Variants in GALNT13 observed in about 807,000 individuals in gnomAD.
The protein encoded by GALNT13 is UDP-GalNAc:polypeptide N-acetylgalactosaminyltransferase 13.
A neutral mutation model predicts 64.2 loss-of-function variants in GALNT13; 28 were observed. That is an observed-to-expected ratio of 0.44 (90% CI 0.32 to 0.60). The LOEUF is 0.60. Among genes scored for constraint, GALNT13 ranks in the 20% least tolerant of loss-of-function variants. The pLI is 0.05. For synonymous variants in GALNT13, 214 were observed against 224.6 expected (o/e 0.95, Z 0.42); for missense variants, 577 against 669.8 (o/e 0.86, Z 1.53).
the GALNT13 span, among the ~76,000 whole-genome samples, chr2:153,138,836 C>T: frequency 6.6e-6 from 1 of 152,058 alleles, no homozygotes; most frequent in Admixed American, 6.6e-5. Flanking sequence ...TTAACAGTTA[C>T]ATGATTTTGC....
the GALNT13 span, among the ~76,000 whole-genome samples, chr2:153,603,017 A>G: frequency 1.3e-5 from 2 of 151,898 alleles, no homozygotes; most frequent in African/African-American, 4.8e-5. Flanking sequence ...TATATTGACT[A>G]TTCATCTGAA....
chr2:153,568,487 T>C, the GALNT13 span, among the ~76,000 whole-genome samples: 3 of 152,264 alleles, frequency 2.0e-5, no homozygotes, highest in South Asian at 6.2e-4. Context: ...CATCAAGTGA[T>C]ACTGGTTTGT....
At chr2:153,313,104 T>C in the GALNT13 span, among the ~76,000 whole-genome samples, 1 of 152,186 alleles carries the variant, frequency 6.6e-6, no homozygotes, top group Non-Finnish European at 1.5e-5. Context: ...TGTAAATTAG[T>C]GCATCCACTG....
At chr2:153,570,713 T>C in the GALNT13 span, among the ~76,000 whole-genome samples, 4 of 152,148 alleles carry the variant, frequency 2.6e-5, no homozygotes, top group African/African-American at 7.2e-5. Flanking sequence ...TTAAAGAGAC[T>C]GTCTTTTCTT....
intron 1 of GALNT13, among the ~76,000 whole-genome samples, chr2:153,897,678 A>C (rs2105284018): frequency 6.6e-6 from 1 of 152,198 alleles, no homozygotes; most frequent in South Asian, 2.1e-4. Context: ...TCAGGTACCT[A>C]AAATATTATG....
the GALNT13 span, among the ~76,000 whole-genome samples, chr2:153,736,008 A>G: frequency 0.12 from 17,625 of 152,244 alleles, 1,593 homozygotes; most frequent in African/African-American, 0.25. Context: ...GAAACTATGT[A>G]AACATTCCAT....
At chr2:154,375,221 CT>C (rs34998357) in intron 9 of GALNT13, among the ~76,000 whole-genome samples, 91,052 of 151,358 alleles carry the variant, frequency 0.6, 27,999 homozygotes, top group Admixed American at 0.67. Flanking sequence ...ATCTACTGAC[CT>C]TGTGATCCGC....
At chr2:154,421,943 G>A (rs1306150256) in intron 11 of GALNT13, among the ~76,000 whole-genome samples, 1 of 151,968 alleles carries the variant, frequency 6.6e-6, no homozygotes, top group Non-Finnish European at 1.5e-5. Context: ...TGCTCTACAG[G>A]AGGCATTCAG....
chr2:154,140,718 C>T (rs1574582946), intron 4 of GALNT13, among the ~76,000 whole-genome samples: 1 of 152,076 alleles, frequency 6.6e-6, no homozygotes, highest in Non-Finnish European at 1.5e-5. Context: ...AAAGATGCTG[C>T]AAAATACTCA....
At chr2:153,807,742 T>TA in the GALNT13 span, among the ~76,000 whole-genome samples, 1 of 152,152 alleles carries the variant, frequency 6.6e-6, no homozygotes, top group Non-Finnish European at 1.5e-5. Flanking sequence ...CTGTGTTTGA[T>TA]AATTTCATTA....
At position 153,978,998 on chromosome 2, in the gene GALNT13, C is replaced by T. The variant is rs138140937; in HGVS notation, c.142+34359C>T. Among the ~76,000 whole-genome samples the T allele has an allele frequency of 5.4e-3, 814 of 152,032 alleles. 6 individuals are homozygous for T. Among genetic ancestry groups the T allele is most frequent in the African/African-American group, 0.017 (711 of 41,472 alleles). On this transcript the variant is annotated intron_variant, in intron 3 of 12. Coordinates refer to ENST00000392825, the MANE Select transcript of GALNT13 (RefSeq NM_052917.4). The stretch of plus-strand genomic sequence containing the variant: ...TAACAATACAGTAATATGCTCCTTA[C>T]GTCATAGGTTTATTACTAGGATTAA...
At chr2:154,323,575 T>C (rs746488863) in intron 9 of GALNT13, among the ~76,000 whole-genome samples, 8 of 152,120 alleles carry the variant, frequency 5.3e-5, no homozygotes, top group South Asian at 2.1e-4. Context: ...GTTATGTATC[T>C]TACTACTCTT....
the GALNT13 span, among the ~76,000 whole-genome samples, chr2:153,551,366 A>G: frequency 0.011 from 1,714 of 152,264 alleles, 28 homozygotes; most frequent in African/African-American, 0.04. Context: ...ACATGATATG[A>G]CGGATATTAG....
chr2:153,447,116 C>T, the GALNT13 span, among the ~76,000 whole-genome samples: 2 of 152,214 alleles, frequency 1.3e-5, no homozygotes, highest in African/African-American at 4.8e-5. Flanking sequence ...TAAGTCTTGT[C>T]GCCCTAATAA....
chr2:153,770,887 A>G, the GALNT13 span, among the ~76,000 whole-genome samples: 1 of 152,338 alleles, frequency 6.6e-6, no homozygotes, highest in South Asian at 2.1e-4. Context: ...TCTTGTGGAT[A>G]GCCATCAAGC....
At chr2:154,301,984 T>C (rs918210941) in intron 9 of GALNT13, among the ~76,000 whole-genome samples, 6 of 152,060 alleles carry the variant, frequency 3.9e-5, no homozygotes, top group Non-Finnish European at 8.8e-5. Context: ...CTGAAGAACA[T>C]AGTAAATTAT....
the GALNT13 span, among the ~76,000 whole-genome samples, chr2:153,270,789 C>T: frequency 2.6e-5 from 4 of 152,074 alleles, no homozygotes; most frequent in Admixed American, 6.6e-5. Flanking sequence ...GAGGTCGAGG[C>T]TGCAATGAAC....
intron 3 of GALNT13, among the ~76,000 whole-genome samples, chr2:154,054,035 G>A (rs1699777796): frequency 2.0e-5 from 3 of 151,966 alleles, no homozygotes; most frequent in Non-Finnish European, 4.4e-5. Flanking sequence ...CATTTTGCCT[G>A]TATTTTATAC....
intron 8 of GALNT13, among the ~76,000 whole-genome samples, chr2:154,268,988 A>C (rs1434387014): frequency 1.1e-4 from 17 of 152,142 alleles, no homozygotes; most frequent in Admixed American, 9.8e-4. Context: ...TGCAAATCAC[A>C]GTGAAAACAA....
Sources: allele counts gnomAD v4.1 joint callset (sites outside exome capture counted in the v4.1 genomes callset), GRCh38; gene constraint gnomAD v4.1.1; transcripts MANE v1.5; gene names NCBI Gene and HGNC (gene_info 2026-07-23, HGNC 2026-07-21).